The following KLHL1 variants were observed in gnomAD, a reference collection of about 807,000 sequenced individuals.
KLHL1 encodes the protein kelch like family member 1, also known as kelch-like protein 1.
KLHL1 carries 47 observed loss-of-function variants against 77.7 expected under a neutral mutation model. The ratio of observed to expected loss-of-function variants is 0.60; its 90% CI spans 0.48 to 0.77. The LOEUF (loss-of-function observed/expected upper bound fraction) is 0.77, where lower values mean the gene tolerates loss of function less well. Among genes scored for constraint, KLHL1 ranks in the 30% least tolerant of loss-of-function variants. KLHL1 has a pLI of 0.00. For synonymous variants in KLHL1, 360 were observed against 325.2 expected (o/e 1.11, Z -1.15); for missense variants, 925 against 910.8 (o/e 1.02, Z -0.20).
intron 9 of KLHL1, among the ~76,000 whole-genome samples, chr13:69,716,861 G>A (rs981417974): frequency 1.3e-5 from 2 of 152,106 alleles, no homozygotes; most frequent in African/African-American, 2.4e-5. Context: ...AATGTTCTTT[G>A]CCGAATAGAT....
intron 4 of KLHL1, among the ~76,000 whole-genome samples, chr13:69,925,789 A>G (rs1882796358): frequency 6.6e-6 from 1 of 152,208 alleles, no homozygotes; most frequent in African/African-American, 2.4e-5. Context: ...AACTTATATT[A>G]CCATCATGTT....
intron 6 of KLHL1, among the ~76,000 whole-genome samples, chr13:69,813,146 G>A (rs1566282433): frequency 1.3e-5 from 2 of 152,002 alleles, no homozygotes; most frequent in African/African-American, 4.8e-5. Context: ...ATGCAGCCAT[G>A]AAAAATGATG....
At chr13:69,911,696 A>G (rs1202283173) in intron 4 of KLHL1, among the ~76,000 whole-genome samples, 1 of 152,084 alleles carries the variant, frequency 6.6e-6, no homozygotes, top group Non-Finnish European at 1.5e-5. Context: ...TTACCACATC[A>G]ACTGTGGAAA....
At chr13:69,845,533 A>G (rs1266067018) in intron 5 of KLHL1, among the ~76,000 whole-genome samples, 1 of 151,662 alleles carries the variant, frequency 6.6e-6, no homozygotes, top group Non-Finnish European at 1.5e-5. Context: ...AGCAATTTCA[A>G]CTTAAATATG....
At chr13:69,870,989 G>C (rs895548179) in intron 5 of KLHL1, among the ~76,000 whole-genome samples, 1 of 152,120 alleles carries the variant, frequency 6.6e-6, no homozygotes, top group Non-Finnish European at 1.5e-5. Context: ...CTGGAGGGCA[G>C]TGTCTCTGCT....
rs542654467 is a variant in KLHL1, at chr13:70,065,921, A to G, written c.497+41282T>C. ...CTATTTAAAAGACAAGGCTAAGCAT[A>G]TATCAAGTCCTATTATGTAGACTAG... is the stretch of plus-strand genomic sequence containing the variant. On this transcript the variant is annotated intron_variant, in intron 1 of 10. Transcript: ENST00000377844. 1.2e-4 allele frequency among the ~76,000 whole-genome samples: 18 copies of G among 152,292 alleles called. No individual in the cohort carries two copies. In the South Asian group the frequency reaches 3.5e-3, roughly 30 times the overall value.
intron 3 of KLHL1, among the ~76,000 whole-genome samples, chr13:69,941,939 A>G (rs540571888): frequency 6.6e-6 from 1 of 152,060 alleles, no homozygotes; most frequent in South Asian, 2.1e-4. Context: ...TGAACAATCA[A>G]GTACTTAGAT....
At chr13:69,954,710 A>T (rs1593983400) in intron 3 of KLHL1, among the ~76,000 whole-genome samples, 1 of 151,292 alleles carries the variant, frequency 6.6e-6, no homozygotes, top group Admixed American at 6.6e-5. Context: ...AAAAAGCTTC[A>T]TAACAGTCAC....
At chr13:69,743,614 C>T (rs1213136773) in intron 7 of KLHL1, among the ~76,000 whole-genome samples, 5 of 151,834 alleles carry the variant, frequency 3.3e-5, no homozygotes, top group Non-Finnish European at 5.9e-5. Context: ...GCAAAAATCT[C>T]GTCTCTACTA....
chr13:69,959,759 A>G (rs541109439), intron 3 of KLHL1, among the ~76,000 whole-genome samples: 1 of 152,008 alleles, frequency 6.6e-6, no homozygotes, highest in East Asian at 1.9e-4. Flanking sequence ...AGAGTAGAAG[A>G]CTAACTTGGG....
At chr13:69,711,706 T>A (rs1875884725) in intron 9 of KLHL1, among the ~76,000 whole-genome samples, 1 of 152,136 alleles carries the variant, frequency 6.6e-6, no homozygotes, top group Non-Finnish European at 1.5e-5. Context: ...ACGTATGCAT[T>A]TCTAAAGGAT....
intron 4 of KLHL1, among the ~76,000 whole-genome samples, chr13:69,883,114 T>G (rs1881062908): frequency 1.3e-5 from 2 of 152,310 alleles, no homozygotes; most frequent in South Asian, 4.1e-4. Flanking sequence ...CTAATTACAC[T>G]GCCTAACTCT....
chr13:69,815,696 C>T (rs1032436765), intron 6 of KLHL1, among the ~76,000 whole-genome samples: 24 of 151,826 alleles, frequency 1.6e-4, no homozygotes, highest in African/African-American at 4.8e-4. Flanking sequence ...CACATGTACC[C>T]GTGGAATCTA....
chr13:69,705,289 A>G (rs1187743430), intron 10 of KLHL1, among the ~76,000 whole-genome samples: 1 of 151,718 alleles, frequency 6.6e-6, no homozygotes, highest in Non-Finnish European at 1.5e-5. Context: ...TAAAACATAC[A>G]TAGATACACA....
intron 1 of KLHL1, among the ~76,000 whole-genome samples, chr13:70,046,777 G>A (rs1375677000): frequency 6.6e-6 from 1 of 152,086 alleles, no homozygotes; most frequent in African/African-American, 2.4e-5. Flanking sequence ...GCCTTCCAAA[G>A]TGCTGGAATT....
At chr13:69,757,009 T>C (rs1037082139) in intron 7 of KLHL1, among the ~76,000 whole-genome samples, 2 of 152,188 alleles carry the variant, frequency 1.3e-5, no homozygotes, top group Non-Finnish European at 2.9e-5. Context: ...CAAAGTATTT[T>C]CTTGGTATTC....
chr13:69,883,732 C>T (rs1881091746), intron 4 of KLHL1, among the ~76,000 whole-genome samples: 1 of 152,142 alleles, frequency 6.6e-6, no homozygotes, highest in Admixed American at 6.6e-5. Context: ...GTAGAAACAG[C>T]ACAGGATGGT....
intron 5 of KLHL1, among the ~76,000 whole-genome samples, chr13:69,853,486 A>G (rs1004940875): frequency 1.8e-4 from 27 of 151,974 alleles, no homozygotes; most frequent in African/African-American, 6.0e-4. Flanking sequence ...AGTCTTGGGT[A>G]TGTCTTTATT....
At chr13:69,704,547 A>G (rs1327869150) in intron 10 of KLHL1, among the ~76,000 whole-genome samples, 1 of 151,742 alleles carries the variant, frequency 6.6e-6, no homozygotes, top group Non-Finnish European at 1.5e-5. Context: ...CTCATTTGTC[A>G]GGCCTCATTC....
Sources: allele counts gnomAD v4.1 joint callset (sites outside exome capture counted in the v4.1 genomes callset), GRCh38; gene constraint gnomAD v4.1.1; transcripts MANE v1.5; gene names NCBI Gene and HGNC (gene_info 2026-07-23, HGNC 2026-07-21).